Variants in RARB observed in about 807,000 individuals in gnomAD.
RARB encodes the protein HBV-activated protein.
RARB carries 17 observed loss-of-function variants against 51.9 expected under a neutral mutation model. The observed-to-expected ratio is 0.33, with a 90% CI of 0.22 to 0.49. The LOEUF is 0.49. Among genes scored for constraint, RARB ranks in the 20% least tolerant of loss-of-function variants. The pLI, the probability that RARB is intolerant of heterozygous loss-of-function variation, is 0.99. For missense variants in RARB, 369 were observed against 550.8 expected (o/e 0.67, Z 3.30); for synonymous variants, 215 against 195.4 (o/e 1.10, Z -0.84).
intron 1 of RARB, among the ~76,000 whole-genome samples, chr3:25,456,447 A>G (rs1694907729): frequency 6.6e-6 from 1 of 151,662 alleles, no homozygotes; most frequent in Non-Finnish European, 1.5e-5. Flanking sequence ...TAAAGTACAA[A>G]TCTTTTATAT....
At chr3:25,144,552 C>A (rs1443052617) in intron 4 of RARB, among the ~76,000 whole-genome samples, 5 of 152,006 alleles carry the variant, frequency 3.3e-5, no homozygotes, top group Non-Finnish European at 5.9e-5. Flanking sequence ...TGTAGCAAGG[C>A]CAAAAAAGGA....
chr3:25,421,912 T>G (rs1707875087), intron 5 of RARB, among the ~76,000 whole-genome samples: 1 of 152,194 alleles, frequency 6.6e-6, no homozygotes, highest in African/African-American at 2.4e-5. Flanking sequence ...CATGTTACAC[T>G]GCCTCTCTAA....
chr3:25,004,626 G>C (rs1697231761), intron 2 of RARB, among the ~76,000 whole-genome samples: 1 of 152,116 alleles, frequency 6.6e-6, no homozygotes, highest in African/African-American at 2.4e-5. Context: ...TTTGACATGA[G>C]TTTTGGAGGG....
intron 3 of RARB, among the ~76,000 whole-genome samples, chr3:25,513,280 C>T (rs1050337837): frequency 1.3e-5 from 2 of 151,610 alleles, no homozygotes; most frequent in African/African-American, 4.8e-5. Context: ...GACGGAGACT[C>T]CATCTCAAAG....
At chr3:24,972,040 G>T (rs2125418378) in intron 2 of RARB, among the ~76,000 whole-genome samples, 1 of 151,842 alleles carries the variant, frequency 6.6e-6, no homozygotes, top group East Asian at 1.9e-4. Flanking sequence ...AATGTACGAT[G>T]GATTAATATT....
At chr3:25,221,159 A>G (rs1269184480) in intron 5 of RARB, among the ~76,000 whole-genome samples, 1 of 149,410 alleles carries the variant, frequency 6.7e-6, no homozygotes, top group East Asian at 1.9e-4. Flanking sequence ...GGATGTATAA[A>G]AAGCAGCCAG....
At chr3:25,087,652 A>G (rs1699126979) in intron 3 of RARB, among the ~76,000 whole-genome samples, 1 of 152,170 alleles carries the variant, frequency 6.6e-6, no homozygotes, top group South Asian at 2.1e-4. Flanking sequence ...CAGTAGTGTT[A>G]TAATAGTAAT....
intron 5 of RARB, among the ~76,000 whole-genome samples, chr3:25,177,473 G>A (rs1380796870): frequency 6.6e-6 from 1 of 152,216 alleles, no homozygotes. Context: ...TCATTGAACT[G>A]TAGGACTTAC....
chr3:25,383,456 T>C (rs1370252021), intron 5 of RARB, among the ~76,000 whole-genome samples: 1 of 152,188 alleles, frequency 6.6e-6, no homozygotes, highest in East Asian at 1.9e-4. Context: ...CTCCAATATT[T>C]TCCCAGATTT....
intron 5 of RARB, among the ~76,000 whole-genome samples, chr3:25,238,362 C>T (rs993526123): frequency 1.3e-5 from 2 of 152,036 alleles, no homozygotes; most frequent in Non-Finnish European, 1.5e-5. Context: ...AAATAGTATT[C>T]CATTATATAT....
intron 5 of RARB, among the ~76,000 whole-genome samples, chr3:25,376,712 A>G (rs990942931): frequency 3.9e-5 from 6 of 152,170 alleles, no homozygotes; most frequent in Non-Finnish European, 5.9e-5. Context: ...CCTGTTTCTA[A>G]TGGTATCAGG....
intron 3 of RARB, among the ~76,000 whole-genome samples, chr3:25,089,373 T>C (rs1216455773): frequency 1.3e-5 from 2 of 152,052 alleles, no homozygotes; most frequent in African/African-American, 4.8e-5. Flanking sequence ...TTTATATTTA[T>C]TATTTACACA....
At chr3:25,362,983 T>C (rs895932873) in intron 5 of RARB, among the ~76,000 whole-genome samples, 3 of 152,130 alleles carry the variant, frequency 2.0e-5, no homozygotes, top group South Asian at 2.1e-4. Context: ...AAAAAAGTTA[T>C]TACTTTCAAT....
At chr3:25,202,975 G>C (rs1009741094) in intron 5 of RARB, among the ~76,000 whole-genome samples, 1 of 152,080 alleles carries the variant, frequency 6.6e-6, no homozygotes, top group African/African-American at 2.4e-5. Context: ...GCTGAGTTCA[G>C]TTCCTGGATA....
At chr3:25,098,922 T>C (rs1699349047) in intron 3 of RARB, among the ~76,000 whole-genome samples, 1 of 152,186 alleles carries the variant, frequency 6.6e-6, no homozygotes, top group South Asian at 2.1e-4. Context: ...AAAGAAATTT[T>C]AAAGAATGTT....
At chr3:25,484,043 C>G (rs1166307850) in intron 2 of RARB, among the ~76,000 whole-genome samples, 1 of 152,102 alleles carries the variant, frequency 6.6e-6, no homozygotes, top group Non-Finnish European at 1.5e-5. Flanking sequence ...TATTTTCTAC[C>G]AAAATGTTCC....
chr3:25,432,451 G>T (rs1290832957), intron 1 of RARB, among the ~76,000 whole-genome samples: 1 of 152,164 alleles, frequency 6.6e-6, no homozygotes, highest in African/African-American at 2.4e-5. Context: ...CCCTTGCATT[G>T]AAGCAGGTCT....
intron 5 of RARB, among the ~76,000 whole-genome samples, chr3:25,188,354 A>G (rs1342065611): frequency 6.6e-6 from 1 of 152,150 alleles, no homozygotes; most frequent in Non-Finnish European, 1.5e-5. Flanking sequence ...TTATGGAACT[A>G]ATTTTAAAAA....
intron 2 of RARB, among the ~76,000 whole-genome samples, chr3:24,919,383 C>T (rs1039628638): frequency 6.6e-6 from 1 of 151,920 alleles, no homozygotes; most frequent in Non-Finnish European, 1.5e-5. Context: ...AATGCAGGTG[C>T]GAACAGACTG....
Sources: allele counts gnomAD v4.1 joint callset (sites outside exome capture counted in the v4.1 genomes callset), GRCh38; gene constraint gnomAD v4.1.1; transcripts MANE v1.5; gene names NCBI Gene and HGNC (gene_info 2026-07-23, HGNC 2026-07-21).